The following HYAL4 variants were observed in gnomAD, a reference collection of about 807,000 sequenced individuals.
HYAL4 encodes hyaluronidase-4.
Under a neutral mutation model 35.2 loss-of-function variants are expected in HYAL4, and 37 were observed. The observed-to-expected ratio is 1.05, with a 90% CI of 0.81 to 1.38. HYAL4 has a LOEUF of 1.38. HYAL4 is among the 40% of genes most tolerant of loss of function. The pLI, the probability that HYAL4 is intolerant of heterozygous loss-of-function variation, is 0.00. For synonymous variants in HYAL4, 198 were observed against 203.2 expected, an observed-to-expected ratio of 0.97 and a Z score of 0.22; for missense variants, 572 against 572.4, an observed-to-expected ratio of 1.00 and a Z score of 0.01.
At chr7:123,835,855 G>C (rs1162123677) in intron 1 of HYAL4, among the ~76,000 whole-genome samples, 1 of 152,016 alleles carries the variant, frequency 6.6e-6, no homozygotes, top group East Asian at 1.9e-4. Flanking sequence ...TTCAGGAGCA[G>C]GTTTAATTTC....
upstream of HYAL4, chr7:123,844,137 A>T (rs1489038675): frequency 6.6e-6 from 1 of 151,998 alleles, no homozygotes; most frequent in Non-Finnish European, 1.5e-5. Flanking sequence ...TTGTGGTTAT[A>T]TCTACCTTTG....
At chr7:123,775,648 G>A in the HYAL4 span, among the ~76,000 whole-genome samples, 1 of 152,142 alleles carries the variant, frequency 6.6e-6, no homozygotes, top group Non-Finnish European at 1.5e-5. Context: ...TGGACTTGAT[G>A]TAGCCTTCTT....
chr7:123,792,863 G>T, the HYAL4 span, among the ~76,000 whole-genome samples: 3 of 152,160 alleles, frequency 2.0e-5, no homozygotes, highest in Non-Finnish European at 2.9e-5. Flanking sequence ...GTAAGGTCAA[G>T]CTCCCTCCTA....
At chr7:123,841,076 A>T (rs1245630000), upstream of HYAL4, among the ~76,000 whole-genome samples, 1 of 151,918 alleles carries the variant, frequency 6.6e-6, no homozygotes, top group Non-Finnish European at 1.5e-5. Flanking sequence ...GGTTTTCAAC[A>T]GGAATGCTTC....
At chr7:123,833,494 T>C (rs1372310735) in intron 1 of HYAL4, among the ~76,000 whole-genome samples, 1 of 152,220 alleles carries the variant, frequency 6.6e-6, no homozygotes, top group African/African-American at 2.4e-5. Context: ...TTGTCTGATG[T>C]ATAGATTTTT....
chr7:123,849,311 C>T (rs971024000), intron 2 of HYAL4, among the ~76,000 whole-genome samples: 1 of 151,884 alleles, frequency 6.6e-6, no homozygotes, highest in African/African-American at 2.4e-5. Flanking sequence ...TTCTCTTTCT[C>T]TCTCTCTTTG....
the HYAL4 span, among the ~76,000 whole-genome samples, chr7:123,812,378 A>T: frequency 6.6e-6 from 1 of 152,212 alleles, no homozygotes; most frequent in Non-Finnish European, 1.5e-5. Context: ...ATGTAGAAAG[A>T]ATTCATTATA....
chr7:123,794,337 T>TGTAGAAATTG, the HYAL4 span, among the ~76,000 whole-genome samples: 2 of 152,232 alleles, frequency 1.3e-5, no homozygotes, highest in Non-Finnish European at 2.9e-5. Flanking sequence ...TCAAGCCAGC[T>TGTAGAAATTG]GTAGAAATTG....
chr7:123,868,445 C>G lies in HYAL4; in HGVS notation c.172C>G (p.Gln58Glu). Residue 58 changes from glutamine (Q) to glutamate (E), a missense_variant, in exon 3 of 5, where the codon CAG (glutamine) becomes GAG (glutamate). Gln to Glu is a conservative substitution (Grantham distance 29). Transcript: ENST00000223026. The stretch of plus-strand genomic sequence containing the variant: ...AGCTGCTTGGAATGCTCCAACAGAT[C>G]AGTGTTTGATAAAATATAATTTAAG... Reference protein sequence around the residue: ...FIAAWNAPTDQCLIKYNLRLN... With the variant: ...FIAAWNAPTDECLIKYNLRLN... 6.2e-7 allele frequency: 1 copy of G among 1,610,048 alleles called. No individual in the cohort carries two copies. The highest frequency in any genetic ancestry group is 1.3e-5 in the African/African-American group (1 of 74,700).
At chr7:123,843,431 A>T (rs1806107975), upstream of HYAL4, among the ~76,000 whole-genome samples, 1 of 151,824 alleles carries the variant, frequency 6.6e-6, no homozygotes, top group African/African-American at 2.4e-5. Flanking sequence ...TGCTCTTAAC[A>T]CTTTTTCCTT....
the HYAL4 span, among the ~76,000 whole-genome samples, chr7:123,800,264 G>C: frequency 1.3e-4 from 19 of 150,738 alleles, no homozygotes; most frequent in Non-Finnish European, 1.5e-5. Flanking sequence ...CCACCTCCCG[G>C]GTTCACGCCA....
intron 1 of HYAL4, among the ~76,000 whole-genome samples, chr7:123,836,791 G>T (rs184652262): frequency 6.6e-6 from 1 of 152,282 alleles, no homozygotes; most frequent in East Asian, 1.9e-4. Flanking sequence ...CACCCTGGGA[G>T]GCCAAGGCAG....
the HYAL4 span, among the ~76,000 whole-genome samples, chr7:123,799,430 A>G: frequency 2.0e-5 from 3 of 150,186 alleles, no homozygotes; most frequent in Non-Finnish European, 3.0e-5. Context: ...ATAAATTTAT[A>G]AAATTATAAA....
At chr7:123,767,848 A>G in the HYAL4 span, among the ~76,000 whole-genome samples, 1 of 152,196 alleles carries the variant, frequency 6.6e-6, no homozygotes, top group Non-Finnish European at 1.5e-5. Context: ...GCCAGATACT[A>G]AAAAACATCA....
At chr7:123,777,947 G>T in the HYAL4 span, among the ~76,000 whole-genome samples, 2 of 151,076 alleles carry the variant, frequency 1.3e-5, no homozygotes, top group African/African-American at 2.4e-5. Flanking sequence ...TTTCTATAAG[G>T]TTTTATTAAT....
chr7:123,807,581 C>T, the HYAL4 span, among the ~76,000 whole-genome samples: 1 of 151,668 alleles, frequency 6.6e-6, no homozygotes, highest in Non-Finnish European at 1.5e-5. Flanking sequence ...GCTGGGATTA[C>T]AGGTGTGTGC....
chr7:123,797,191 C>T, the HYAL4 span, among the ~76,000 whole-genome samples: 1 of 152,166 alleles, frequency 6.6e-6, no homozygotes, highest in Admixed American at 6.5e-5. Flanking sequence ...GAGACTCAAT[C>T]GTAAATGGAT....
upstream of HYAL4, among the ~76,000 whole-genome samples, chr7:123,826,806 G>A (rs953734950): frequency 6.6e-6 from 1 of 152,102 alleles, no homozygotes; most frequent in African/African-American, 2.4e-5. Flanking sequence ...ATCTGAAACA[G>A]AATGGTAGCA....
At chr7:123,773,215 A>G in the HYAL4 span, among the ~76,000 whole-genome samples, 2 of 152,198 alleles carry the variant, frequency 1.3e-5, no homozygotes, top group Non-Finnish European at 2.9e-5. Flanking sequence ...CAAATAGTCC[A>G]GGTGCTCTTC....
Sources: allele counts gnomAD v4.1 joint callset (sites outside exome capture counted in the v4.1 genomes callset), GRCh38; gene constraint gnomAD v4.1.1; transcripts MANE v1.5; gene names NCBI Gene and HGNC (gene_info 2026-07-23, HGNC 2026-07-21).